Variants in SRBD1 observed in about 807,000 individuals in gnomAD.
SRBD1 encodes S1 RNA-binding domain-containing protein 1.
In SRBD1, 88 loss-of-function variants were observed where a neutral mutation model predicts 115.3. The observed-to-expected ratio is 0.76, with a 90% confidence interval of 0.64 to 0.91. The LOEUF (loss-of-function observed/expected upper bound fraction) is 0.91, where lower values mean the gene tolerates loss of function less well. Among genes scored for constraint, SRBD1 ranks in the 40% least tolerant of loss-of-function variants. The probability of loss-of-function intolerance (pLI) is 0.00; values close to 1 mark genes in which losing one functional copy is unlikely to be tolerated. For missense variants in SRBD1, 1,385 were observed against 1,177.4 expected (o/e 1.18, Z -2.58); for synonymous variants, 509 against 407.7 (o/e 1.25, Z -2.99).
intron 10 of SRBD1, among the ~76,000 whole-genome samples, chr2:45,562,060 T>C (rs1672680042): frequency 6.6e-6 from 1 of 152,182 alleles, no homozygotes; most frequent in South Asian, 2.1e-4. Context: ...AGAAAAGTAA[T>C]GAAGTAAAAC....
At chr2:45,395,801 T>C (rs1175352824) in intron 19 of SRBD1, among the ~76,000 whole-genome samples, 3 of 152,174 alleles carry the variant, frequency 2.0e-5, no homozygotes, top group African/African-American at 7.2e-5. Flanking sequence ...GGAAACAATG[T>C]TTTATGCTTA....
At chr2:45,432,187 G>C (rs1051577516) in intron 16 of SRBD1, among the ~76,000 whole-genome samples, 2 of 152,030 alleles carry the variant, frequency 1.3e-5, no homozygotes, top group African/African-American at 4.8e-5. Context: ...GTGCCACCAC[G>C]CGCAGCTAAT....
chr2:45,414,721 C>CACACACAGTGTGTATATAGTATGTATAT (rs1558563308), intron 18 of SRBD1, among the ~76,000 whole-genome samples: 2 of 125,140 alleles, frequency 1.6e-5, no homozygotes, highest in Non-Finnish European at 3.7e-5. Flanking sequence ...TATGTATATA[C>CACACACAGTGTGTATATAGTATGTATAT]ACACACACAG....
chr2:45,426,927 C>G (rs954602389), intron 16 of SRBD1, among the ~76,000 whole-genome samples: 10 of 152,208 alleles, frequency 6.6e-5, no homozygotes, highest in East Asian at 5.8e-4. Context: ...TTCCAAAAAC[C>G]AGAATGCCTC....
At chr2:45,414,748 A>ATAGTGTGTATATAGTATG (rs1667737703) in intron 18 of SRBD1, among the ~76,000 whole-genome samples, 1 of 135,422 alleles carries the variant, frequency 7.4e-6, no homozygotes, top group Non-Finnish European at 1.5e-5. Flanking sequence ...TATAGTATGT[A>ATAGTGTGTATATAGTATG]CACACACACA....
rs144518794 is a variant in SRBD1 at position 45,414,361 on chromosome 2, GATTAA to G, written c.2334-1073_2334-1069del. ...AAACAGTGCAGAAACCACAAAAACTGATTAAATTAAATAAGTGCTCATGAATGATG... is the reference window on the plus strand; with the variant it reads ...AAACAGTGCAGAAACCACAAAAACTGATTAAATAAGTGCTCATGAATGATG... On this transcript the variant is annotated intron_variant, in intron 18 of 20. Coordinates refer to ENST00000263736, the MANE Select transcript of SRBD1 (RefSeq NM_018079.5). 6.9e-3 allele frequency among the ~76,000 whole-genome samples: 1,049 copies of G among 151,998 alleles called. 14 individuals are homozygous for G. The highest frequency in any genetic ancestry group is 0.024 in the African/African-American group (992 of 41,434).
intron 16 of SRBD1, among the ~76,000 whole-genome samples, chr2:45,455,505 G>A (rs753076630): frequency 7.2e-5 from 11 of 151,742 alleles, no homozygotes; most frequent in Admixed American, 2.0e-4. Flanking sequence ...ATAAATGTGC[G>A]TAACTTGACA....
At chr2:45,426,580 T>C (rs903354975) in intron 16 of SRBD1, among the ~76,000 whole-genome samples, 2 of 152,128 alleles carry the variant, frequency 1.3e-5, no homozygotes, top group Admixed American at 1.3e-4. Flanking sequence ...CAGGAGTCGA[T>C]AGACATCTCA....
At chr2:45,498,279 C>T (rs774130672) in intron 14 of SRBD1, among the ~76,000 whole-genome samples, 4 of 152,048 alleles carry the variant, frequency 2.6e-5, no homozygotes, top group Non-Finnish European at 5.9e-5. Flanking sequence ...CTGTTCTTTA[C>T]GTATTCTAAC....
At chr2:45,594,716 T>C (rs182683883) in intron 4 of SRBD1, among the ~76,000 whole-genome samples, 12 of 152,300 alleles carry the variant, frequency 7.9e-5, no homozygotes, top group East Asian at 5.8e-4. Flanking sequence ...TAGGCCCCGA[T>C]AGACCCTATG....
chr2:45,528,777 G>T (rs371412637), intron 14 of SRBD1, among the ~76,000 whole-genome samples: 4 of 151,838 alleles, frequency 2.6e-5, no homozygotes, highest in Non-Finnish European at 4.4e-5. Flanking sequence ...GAGTGGGGAA[G>T]AGGTACAAGA....
chr2:45,389,413 C>T lies in SRBD1; in HGVS notation c.2885G>A (p.Arg962Lys), dbSNP rs763313266. The T allele has an allele frequency of 1.8e-5, 29 of 1,613,966 alleles. No homozygotes were observed. The South Asian group carries it at 3.1e-4, about 17-fold the overall frequency. Residue 962 changes from arginine to lysine, a missense_variant, in exon 21 of 21, where the codon AGA (arginine) becomes AAA (lysine). Physicochemically the swap from Arg to Lys is conservative, Grantham distance 26. Coordinates refer to ENST00000263736, the MANE Select transcript of SRBD1 (RefSeq NM_018079.5). ...TEAKLSKTKK[R>K]RSLGLGPGER... ...TCCGGGGCCCAGTCCAAGGCTTCTT[C>T]TCTTCTTTGTTTTTGAAAGTTTTGC...
At chr2:45,575,817 C>T (rs781239847) in intron 7 of SRBD1, among the ~76,000 whole-genome samples, 20 of 152,270 alleles carry the variant, frequency 1.3e-4, no homozygotes, top group African/African-American at 4.6e-4. Flanking sequence ...GATTCTCCTG[C>T]CTCAGCCTCC....
Position 45,406,266 on chromosome 2 carries a change from G to T in SRBD1, c.2513+6848C>A, listed in dbSNP as rs115069977. On this transcript the variant is annotated intron_variant, in intron 19 of 20. Coordinates refer to ENST00000263736, the MANE Select transcript of SRBD1 (RefSeq NM_018079.5). Reference sequence around the variant, plus strand: ...TGTAGGGAAGGATGGGGCAGAAGGAGTAAAAATACAGAGACAATCTGAAGA... The same window carrying T: ...TGTAGGGAAGGATGGGGCAGAAGGATTAAAAATACAGAGACAATCTGAAGA... Among the ~76,000 whole-genome samples, 410 of 151,988 alleles carry T rather than the reference G, an allele frequency of 2.7e-3. 1 individual carries two copies. The highest frequency in any genetic ancestry group is 9.2e-3 in the African/African-American group (382 of 41,448).
intron 15 of SRBD1, among the ~76,000 whole-genome samples, chr2:45,478,391 G>T (rs570466016): frequency 1.3e-5 from 2 of 152,168 alleles, no homozygotes; most frequent in Non-Finnish European, 2.9e-5. Context: ...TTCAACACAT[G>T]ATCATTCAAG....
intron 4 of SRBD1, among the ~76,000 whole-genome samples, chr2:45,591,928 C>A (rs1300010246): frequency 6.6e-6 from 1 of 152,140 alleles, no homozygotes; most frequent in Non-Finnish European, 1.5e-5. Context: ...TATGGTTTGG[C>A]TATGTGCCCA....
At chr2:45,574,836 C>T (rs1572795703) in intron 7 of SRBD1, 113 bp from the exon 8 acceptor site, 1 of 890,304 alleles carries the variant, frequency 1.1e-6, no homozygotes, top group African/African-American at 1.7e-5. Context: ...CTTAAGTTGA[C>T]AGTCTTAAGA....
intron 9 of SRBD1, among the ~76,000 whole-genome samples, chr2:45,571,723 C>T (rs748318295): frequency 7.2e-5 from 11 of 151,752 alleles, no homozygotes; most frequent in Non-Finnish European, 1.2e-4. Context: ...ATAGAAATTA[C>T]GGAGCTGAAA....
At chr2:45,551,310 T>G in intron 11 of SRBD1, 28 bp from the exon 12 acceptor site, 1 of 1,574,416 alleles carries the variant, frequency 6.4e-7, no homozygotes, top group Non-Finnish European at 8.5e-7. Context: ...AAGAAAAAGT[T>G]TTTCATTCAC....
Sources: allele counts gnomAD v4.1 joint callset (sites outside exome capture counted in the v4.1 genomes callset), GRCh38; gene constraint gnomAD v4.1.1; transcripts MANE v1.5; gene names NCBI Gene and HGNC (gene_info 2026-07-23, HGNC 2026-07-21).